CFAP61: variants seen among roughly 807,000 people sequenced by gnomAD.
CFAP61 encodes the protein cilia- and flagella-associated protein 61.
In CFAP61, 107 loss-of-function variants were observed where a neutral mutation model predicts 135.6. The ratio of observed to expected loss-of-function variants is 0.79; its 90% CI spans 0.67 to 0.93. The LOEUF (loss-of-function observed/expected upper bound fraction) is 0.93, where lower values mean the gene tolerates loss of function less well. Among genes scored for constraint, CFAP61 ranks in the 40% least tolerant of loss-of-function variants. CFAP61 has a pLI of 0.00. For missense variants in CFAP61, 1,507 were observed against 1,556.2 expected (o/e 0.97, Z 0.53); for synonymous variants, 575 against 578.5 (o/e 0.99, Z 0.09).
intron 19 of CFAP61, among the ~76,000 whole-genome samples, chr20:20,246,948 G>A (rs1256767087): frequency 6.6e-6 from 1 of 152,122 alleles, no homozygotes; most frequent in Non-Finnish European, 1.5e-5. Context: ...CCAGCAGAAC[G>A]GGTTCGTTTC....
At chr20:20,307,096 G>A (rs1406025586) in intron 25 of CFAP61, among the ~76,000 whole-genome samples, 3 of 152,034 alleles carry the variant, frequency 2.0e-5, no homozygotes, top group Non-Finnish European at 4.4e-5. Context: ...CTGCCACCCC[G>A]ACCACCCTCT....
intron 9 of CFAP61, among the ~76,000 whole-genome samples, chr20:20,151,510 A>G (rs2052404375): frequency 6.6e-6 from 1 of 152,154 alleles, no homozygotes; most frequent in Admixed American, 6.5e-5. Context: ...TGGCCTCACT[A>G]GAGATCTAGA....
chr20:20,164,128 G>C lies in CFAP61; in HGVS notation c.1105G>C (p.Val369Leu). 1 of 1,613,696 alleles carries C rather than the reference G, an allele frequency of 6.2e-7. No homozygotes were observed. The highest frequency in any genetic ancestry group is 8.5e-7 in the Non-Finnish European group (1 of 1,179,866). ...CAGCAGTAGGAGCTTGGCATCGCTC[G>C]TACTGCCTGAAGAGCCCGTCCACTT... is the stretch of plus-strand genomic sequence containing the variant. ...HVSSRSLASLVLPEEPVHFRP... is the reference protein window; with the variant it reads ...HVSSRSLASLLLPEEPVHFRP... Residue 369 changes from valine to leucine, a missense_variant, in exon 11 of 27, where the codon GTA becomes CTA. Val to Leu is a conservative substitution (Grantham distance 32). Transcript: ENST00000245957.
chr20:20,301,591 C>T (rs773764484), intron 25 of CFAP61, among the ~76,000 whole-genome samples: 6 of 152,190 alleles, frequency 3.9e-5, no homozygotes, highest in Non-Finnish European at 8.8e-5. Context: ...AGGTATCCTC[C>T]TAGGGCTTTA....
At chr20:20,171,417 G>A (rs79706100) in intron 13 of CFAP61, among the ~76,000 whole-genome samples, 132 of 152,324 alleles carry the variant, frequency 8.7e-4, no homozygotes, top group African/African-American at 3.1e-3. Context: ...AGCATGAGGT[G>A]TGTGAATTTG....
chr20:20,358,078 G>A (rs1230998589), intron 26 of CFAP61, among the ~76,000 whole-genome samples: 4 of 148,908 alleles, frequency 2.7e-5, no homozygotes, highest in African/African-American at 7.5e-5. Flanking sequence ...TCACACTGAG[G>A]GGAGGTGGTC....
intron 9 of CFAP61, among the ~76,000 whole-genome samples, chr20:20,147,360 C>T (rs1255804907): frequency 6.6e-6 from 1 of 152,238 alleles, no homozygotes; most frequent in East Asian, 1.9e-4. Context: ...TACATTCCCA[C>T]TGGCAGTGTA....
At chr20:20,344,783 G>A (rs1202918315) in intron 26 of CFAP61, among the ~76,000 whole-genome samples, 5 of 152,028 alleles carry the variant, frequency 3.3e-5, no homozygotes, top group South Asian at 2.1e-4. Flanking sequence ...TCAGTATATC[G>A]AAGGGATACC....
At chr20:20,333,201 A>C (rs1440563717) in intron 25 of CFAP61, among the ~76,000 whole-genome samples, 4 of 152,220 alleles carry the variant, frequency 2.6e-5, no homozygotes. Context: ...AATTAAGAAC[A>C]ATAGCAGTAA....
chr20:20,094,584 T>A (rs969287644), intron 7 of CFAP61: 1 of 152,290 alleles, frequency 6.6e-6, no homozygotes, highest in African/African-American at 2.4e-5. Flanking sequence ...TTTCACACTT[T>A]CAGTGTGTGT....
chr20:20,247,507 A>G (rs1311570565), intron 19 of CFAP61, among the ~76,000 whole-genome samples: 2 of 152,226 alleles, frequency 1.3e-5, no homozygotes, highest in Non-Finnish European at 2.9e-5. Context: ...CTCACCGCCC[A>G]GAACTGCACT....
At chr20:20,075,101 T>C (rs367573311) in intron 4 of CFAP61, 88 bp from the exon 5 acceptor site, 1 of 1,272,408 alleles carries the variant, frequency 7.9e-7, no homozygotes. Context: ...CACCTCACCT[T>C]TTTAGTGACA....
intron 8 of CFAP61, among the ~76,000 whole-genome samples, chr20:20,132,940 T>C (rs1001361512): frequency 6.6e-6 from 1 of 152,194 alleles, no homozygotes; most frequent in African/African-American, 2.4e-5. Context: ...GTTTTTAATC[T>C]AGTGTCATAA....
intron 13 of CFAP61, among the ~76,000 whole-genome samples, chr20:20,170,790 A>G (rs1250276306): frequency 1.3e-5 from 2 of 152,252 alleles, no homozygotes; most frequent in Non-Finnish European, 2.9e-5. Context: ...ACTTGAAGAA[A>G]TAAAACCAGA....
chr20:20,228,629 T>C, intron 18 of CFAP61: 1 of 321,324 alleles, frequency 3.1e-6, no homozygotes, highest in Non-Finnish European at 5.9e-6. Context: ...CACTCATTTA[T>C]GTGTTGTCTG....
chr20:20,262,903 G>A (rs1267096441), intron 20 of CFAP61, 53 bp from the exon 21 acceptor site: 6 of 1,179,750 alleles, frequency 5.1e-6, no homozygotes, highest in Non-Finnish European at 6.9e-6. Flanking sequence ...TTTAACCACT[G>A]TCACCACTTT....
chr20:20,197,238 T>C (rs929173150), intron 16 of CFAP61, among the ~76,000 whole-genome samples: 2 of 152,172 alleles, frequency 1.3e-5, no homozygotes, highest in Non-Finnish European at 2.9e-5. Context: ...CCCTACTAGG[T>C]GATGGAGAGA....
intron 26 of CFAP61, among the ~76,000 whole-genome samples, chr20:20,342,721 C>T (rs576081548): frequency 2.0e-5 from 3 of 152,156 alleles, no homozygotes; most frequent in Non-Finnish European, 2.9e-5. Flanking sequence ...CTAGGGAGCG[C>T]GCACCCTGTT....
At position 20,306,887 on chromosome 20, in the gene CFAP61, G is replaced by A. The variant is rs73285391; in HGVS notation, c.3422+8501G>A. Among the ~76,000 whole-genome samples, 481 of 152,286 alleles carry A rather than the reference G, an allele frequency of 3.2e-3. 3 individuals are homozygous for A. Among genetic ancestry groups the A allele is most frequent in the African/African-American group, 0.01 (421 of 41,556 alleles). ...GGATGGCCCTGCATCCCAGAAGACC[G>A]TGCTGAAATGTGAACCGTACATGAA... On this transcript the variant is annotated intron_variant, in intron 25 of 26. Transcript: ENST00000245957.
Sources: allele counts gnomAD v4.1 joint callset (sites outside exome capture counted in the v4.1 genomes callset), GRCh38; gene constraint gnomAD v4.1.1; transcripts MANE v1.5; gene names NCBI Gene and HGNC (gene_info 2026-07-23, HGNC 2026-07-21).